Variants in SERPINI1 observed in about 807,000 individuals in gnomAD.
SERPINI1 encodes the protein serpin family I member 1.
In SERPINI1, 19 loss-of-function variants were observed where a neutral mutation model predicts 41.1. The ratio of observed to expected loss-of-function variants is 0.46; its 90% CI spans 0.32 to 0.68. The LOEUF (loss-of-function observed/expected upper bound fraction) is 0.68. Ranked by LOEUF, SERPINI1 falls within the 30% of genes least tolerant of loss-of-function variation. SERPINI1 has a pLI of 0.03. For missense variants in SERPINI1, 460 were observed against 479.2 expected (o/e 0.96, Z 0.37); for synonymous variants, 138 against 156.6 (o/e 0.88, Z 0.89).
intron 3 of SERPINI1, among the ~76,000 whole-genome samples, chr3:167,791,027 C>T (rs963068513): frequency 1.3e-5 from 2 of 151,958 alleles, no homozygotes; most frequent in Non-Finnish European, 2.9e-5. Flanking sequence ...AACCAAAGAA[C>T]TTCATTGGTA....
At chr3:167,745,642 G>T (rs1179908542) in intron 1 of SERPINI1, among the ~76,000 whole-genome samples, 1 of 151,938 alleles carries the variant, frequency 6.6e-6, no homozygotes, top group East Asian at 1.9e-4. Context: ...CATATGAATT[G>T]GTCTTGTATA....
At chr3:167,780,215 T>C (rs1391708164) in intron 1 of SERPINI1, among the ~76,000 whole-genome samples, 3 of 152,220 alleles carry the variant, frequency 2.0e-5, no homozygotes, top group African/African-American at 4.8e-5. Context: ...ACTTTCATAG[T>C]GCATTTCCTG....
At chr3:167,778,325 G>A (rs573416048) in intron 1 of SERPINI1, among the ~76,000 whole-genome samples, 6 of 152,174 alleles carry the variant, frequency 3.9e-5, no homozygotes, top group African/African-American at 1.2e-4. Context: ...TTTAATTATC[G>A]CAAAGCAGCT....
At chr3:167,819,527 A>G (rs1476861440) in intron 6 of SERPINI1, among the ~76,000 whole-genome samples, 1 of 152,216 alleles carries the variant, frequency 6.6e-6, no homozygotes, top group East Asian at 1.9e-4. Context: ...GAAATGGACT[A>G]TTTAATAATG....
intron 1 of SERPINI1, among the ~76,000 whole-genome samples, chr3:167,773,899 A>G (rs969267009): frequency 1.3e-5 from 2 of 152,218 alleles, no homozygotes; most frequent in African/African-American, 2.4e-5. Flanking sequence ...AAAGTAACGT[A>G]CATAACTTAA....
chr3:167,813,024 G>C (rs1711944928), intron 6 of SERPINI1, among the ~76,000 whole-genome samples: 1 of 152,122 alleles, frequency 6.6e-6, no homozygotes, highest in African/African-American at 2.4e-5. Context: ...TCAAGTACAA[G>C]CTTTAATAAA....
intron 6 of SERPINI1, among the ~76,000 whole-genome samples, chr3:167,811,043 C>T (rs1212822495): frequency 6.6e-6 from 1 of 152,012 alleles, no homozygotes; most frequent in Non-Finnish European, 1.5e-5. Flanking sequence ...TTCAAGTTCT[C>T]TTGCTGTTTC....
chr3:167,792,634 A>C lies in SERPINI1; in HGVS notation c.526A>C (p.Thr176Pro). The change falls in exon 4 of 9, where the codon ACT becomes CCT. Residue 176 changes from threonine to proline, a missense_variant. Transcript: ENST00000446050. ...ATCCCCAAGGGATTTTGATGCTGCCACTTATCTGGCCCTCATTAATGCTGT... is the reference window on the plus strand; with the variant it reads ...ATCCCCAAGGGATTTTGATGCTGCCCCTTATCTGGCCCTCATTAATGCTGT... Reference protein sequence around the residue: ...LVSPRDFDAATYLALINAVYF... With the variant: ...LVSPRDFDAAPYLALINAVYF... 6.2e-7 allele frequency: 1 copy of C among 1,613,692 alleles called. No homozygotes were observed. The highest frequency in any genetic ancestry group is 8.5e-7 in the Non-Finnish European group (1 of 1,179,866).
intron 5 of SERPINI1, among the ~76,000 whole-genome samples, chr3:167,801,369 G>T (rs1727893204): frequency 6.6e-6 from 1 of 152,134 alleles, no homozygotes; most frequent in South Asian, 2.1e-4. Context: ...CTTTATAAAA[G>T]CAGTGTCATG....
intron 1 of SERPINI1, among the ~76,000 whole-genome samples, chr3:167,745,319 T>G (rs1725831900): frequency 6.6e-6 from 1 of 151,966 alleles, no homozygotes; most frequent in Admixed American, 6.6e-5. Flanking sequence ...AGACACATAA[T>G]TATCTCAATT....
rs150641768 is a variant in SERPINI1 at position 167,794,076 on chromosome 3, A to G, written c.677-544A>G. Among the ~76,000 whole-genome samples the G allele has an allele frequency of 2.7e-3, 404 of 152,248 alleles. 2 individuals are homozygous for G. Among genetic ancestry groups the G allele is most frequent in the African/African-American group, 8.3e-3 (345 of 41,550 alleles). ...TTAAATGGTCAAATTTTCCCTTCTT[A>G]AAAATCAGGTGAATATTGATCAATG... On this transcript the variant is annotated intron_variant, in intron 4 of 8. Transcript: ENST00000446050.
chr3:167,783,447 A>G (rs186969703), intron 1 of SERPINI1, among the ~76,000 whole-genome samples: 1 of 152,340 alleles, frequency 6.6e-6, no homozygotes, highest in African/African-American at 2.4e-5. Flanking sequence ...ACAATTACCA[A>G]TGCATATCAG....
intron 1 of SERPINI1, among the ~76,000 whole-genome samples, chr3:167,743,135 CA>C (rs1725733987): frequency 6.6e-6 from 1 of 151,938 alleles, no homozygotes; most frequent in African/African-American, 2.4e-5. Context: ...AATACAAATA[CA>C]AGAAAAATTG....
intron 6 of SERPINI1, 99 bp downstream of exon 6, chr3:167,807,440 A>C: frequency 1.3e-6 from 1 of 783,766 alleles, no homozygotes; most frequent in Admixed American, 2.3e-5. Context: ...CTGGGGTAAA[A>C]TATAGTTACC....
At chr3:167,737,088 G>A (rs918678521) in intron 1 of SERPINI1, among the ~76,000 whole-genome samples, 2 of 151,586 alleles carry the variant, frequency 1.3e-5, no homozygotes, top group African/African-American at 4.8e-5. Flanking sequence ...CTGAGTTCTC[G>A]GGATTTTAAA....
intron 1 of SERPINI1, among the ~76,000 whole-genome samples, chr3:167,739,478 G>T (rs988863622): frequency 1.3e-5 from 2 of 152,180 alleles, no homozygotes; most frequent in African/African-American, 2.4e-5. Flanking sequence ...CACACTGTGT[G>T]CGCTGCAAAT....
intron 1 of SERPINI1, among the ~76,000 whole-genome samples, chr3:167,751,380 G>C (rs1329736318): frequency 2.0e-5 from 3 of 152,098 alleles, no homozygotes; most frequent in Non-Finnish European, 4.4e-5. Context: ...ATGTCTACTT[G>C]ATAAAATGAG....
At chr3:167,781,069 A>C (rs1406143414) in intron 1 of SERPINI1, among the ~76,000 whole-genome samples, 4 of 150,502 alleles carry the variant, frequency 2.7e-5, no homozygotes, top group African/African-American at 5.0e-5. Flanking sequence ...TCTAAAATAC[A>C]GATTGTTTCA....
intron 1 of SERPINI1, among the ~76,000 whole-genome samples, chr3:167,763,214 A>G (rs900514866): frequency 5.3e-5 from 8 of 152,154 alleles, no homozygotes; most frequent in African/African-American, 1.9e-4. Flanking sequence ...AATTGATGTT[A>G]GGCAATAATG....
Sources: allele counts gnomAD v4.1 joint callset (sites outside exome capture counted in the v4.1 genomes callset), GRCh38; gene constraint gnomAD v4.1.1; transcripts MANE v1.5; gene names NCBI Gene and HGNC (gene_info 2026-07-23, HGNC 2026-07-21).